PDE4D: variants seen among roughly 807,000 people sequenced by gnomAD.
PDE4D encodes the protein phosphodiesterase 4D.
In PDE4D, 24 loss-of-function variants were observed where a neutral mutation model predicts 87.4. The observed-to-expected ratio is 0.27, with a 90% CI of 0.20 to 0.39. The LOEUF (loss-of-function observed/expected upper bound fraction) is 0.39, where lower values mean the gene tolerates loss of function less well. Ranked by LOEUF, PDE4D falls within the 10% of genes least tolerant of loss-of-function variation. The pLI is 1.00. For synonymous variants in PDE4D, 384 were observed against 383.2 expected, an observed-to-expected ratio of 1.00 and a Z score of -0.02; for missense variants, 714 against 1,041.0, an observed-to-expected ratio of 0.69 and a Z score of 4.32.
At chr5:59,769,133 TC>T (rs1002522902) in intron 1 of PDE4D, among the ~76,000 whole-genome samples, 6 of 152,060 alleles carry the variant, frequency 3.9e-5, no homozygotes, top group African/African-American at 1.4e-4. Context: ...GAGAAATACT[TC>T]CCTGCTTACT....
At chr5:59,220,071 T>A (rs1186429246) in intron 1 of PDE4D, among the ~76,000 whole-genome samples, 2 of 152,116 alleles carry the variant, frequency 1.3e-5, no homozygotes, top group African/African-American at 2.4e-5. Flanking sequence ...TATGGAAAGC[T>A]GGGCCAAGGA....
At chr5:60,195,045 C>T (rs892582968) in intron 1 of PDE4D, among the ~76,000 whole-genome samples, 1 of 151,666 alleles carries the variant, frequency 6.6e-6, no homozygotes, top group African/African-American at 2.4e-5. Flanking sequence ...TTTCTCACCT[C>T]CCTGTCCTCT....
At chr5:59,847,010 T>C (rs1459711106) in intron 1 of PDE4D, among the ~76,000 whole-genome samples, 1 of 152,024 alleles carries the variant, frequency 6.6e-6, no homozygotes, top group Non-Finnish European at 1.5e-5. Context: ...CCATAAAATT[T>C]GAGAAATGGC....
intron 5 of PDE4D, among the ~76,000 whole-genome samples, chr5:59,054,019 ATAAAT>A (rs1580543658): frequency 6.6e-6 from 1 of 152,176 alleles, no homozygotes; most frequent in East Asian, 1.9e-4. Context: ...TATTCAATGA[ATAAAT>A]TATTCAATGA....
intron 2 of PDE4D, among the ~76,000 whole-genome samples, chr5:60,010,729 T>C (rs1025179770): frequency 1.3e-5 from 2 of 152,178 alleles, no homozygotes; most frequent in African/African-American, 4.8e-5. Context: ...CAACATAGGA[T>C]AGCTATCTAA....
chr5:59,229,054 C>T lies in PDE4D; in HGVS notation c.456-13086G>A, dbSNP rs192086095. Reference sequence around the variant, plus strand: ...TTCCTTACTCTTAATTTTTCTCCATCGCATTTAACAGCTTCTGATGAACTT... The same window carrying T: ...TTCCTTACTCTTAATTTTTCTCCATTGCATTTAACAGCTTCTGATGAACTT... On this transcript the variant is annotated intron_variant, in intron 1 of 14. Transcript: ENST00000340635. 3.5e-3 allele frequency among the ~76,000 whole-genome samples: 524 copies of T among 151,830 alleles called. 5 individuals carry two copies. Among genetic ancestry groups the T allele is most frequent in the Non-Finnish European group, 3.2e-3 (218 of 67,962 alleles).
intron 1 of PDE4D, among the ~76,000 whole-genome samples, chr5:59,846,998 C>T (rs777007608): frequency 6.6e-6 from 1 of 151,942 alleles, no homozygotes; most frequent in African/African-American, 2.4e-5. Flanking sequence ...CAGGATAATT[C>T]TCCATAAAAT....
intron 1 of PDE4D, among the ~76,000 whole-genome samples, chr5:59,466,208 C>T (rs746179535): frequency 3.2e-4 from 48 of 152,092 alleles, no homozygotes; most frequent in Admixed American, 6.6e-5. Flanking sequence ...TTTAAATTAG[C>T]GTGTGTACAA....
intron 1 of PDE4D, among the ~76,000 whole-genome samples, chr5:59,327,010 T>C (rs1208377693): frequency 3.3e-5 from 5 of 152,062 alleles, no homozygotes; most frequent in Non-Finnish European, 5.9e-5. Context: ...ATTTTACACC[T>C]AACCATCTTC....
In PDE4D at chr5:59,761,304, T is replaced by C. The variant is rs1561612485; in HGVS notation, c.455+131864A>G. On this transcript the variant is annotated intron_variant, in intron 1 of 14. Coordinates refer to ENST00000340635, the MANE Select transcript of PDE4D (RefSeq NM_001104631.2). ...TGAGTCAATGTGAAGGCCTGGGACATTTCCACACACTACTATAGACTTTAT... is the reference window on the plus strand; with the variant it reads ...TGAGTCAATGTGAAGGCCTGGGACACTTCCACACACTACTATAGACTTTAT... Among the ~76,000 whole-genome samples, 4 of 152,278 alleles carry C rather than the reference T, an allele frequency of 2.6e-5. No homozygotes were observed. The East Asian group carries it at 5.8e-4, about 22-fold the overall frequency.
chr5:59,597,292 T>C (rs1355895737), intron 1 of PDE4D, among the ~76,000 whole-genome samples: 1 of 152,182 alleles, frequency 6.6e-6, no homozygotes, highest in African/African-American at 2.4e-5. Flanking sequence ...GAACTTGACA[T>C]TGAATTAATG....
intron 2 of PDE4D, among the ~76,000 whole-genome samples, chr5:60,181,073 T>C (rs545640358): frequency 1.7e-4 from 26 of 152,080 alleles, no homozygotes; most frequent in Non-Finnish European, 2.8e-4. Flanking sequence ...GAAAAATGAA[T>C]GCAGATAGCT....
intron 1 of PDE4D, among the ~76,000 whole-genome samples, chr5:60,417,542 T>A (rs1203326066): frequency 6.6e-6 from 1 of 152,150 alleles, no homozygotes; most frequent in East Asian, 1.9e-4. Flanking sequence ...AGCCATTCAG[T>A]TACAGTGTTT....
At chr5:60,441,607 A>G (rs1745218792) in intron 1 of PDE4D, among the ~76,000 whole-genome samples, 1 of 152,220 alleles carries the variant, frequency 6.6e-6, no homozygotes, top group Admixed American at 6.5e-5. Flanking sequence ...TAAACTAAAG[A>G]GCTTCTGCAC....
At chr5:60,209,537 G>A (rs553223763) in intron 1 of PDE4D, among the ~76,000 whole-genome samples, 1 of 152,256 alleles carries the variant, frequency 6.6e-6, no homozygotes, top group South Asian at 2.1e-4. Flanking sequence ...TAATGATAAT[G>A]TCACAGGATG....
chr5:59,535,854 A>G (rs1185002247), intron 1 of PDE4D, among the ~76,000 whole-genome samples: 1 of 152,226 alleles, frequency 6.6e-6, no homozygotes, highest in African/African-American at 2.4e-5. Flanking sequence ...AAGTTTATAA[A>G]TGGCAGGTCC....
chr5:59,394,005 G>T (rs1788777537), intron 1 of PDE4D, among the ~76,000 whole-genome samples: 1 of 152,186 alleles, frequency 6.6e-6, no homozygotes. Context: ...GTACTGTGGG[G>T]CCTAATGTTT....
chr5:59,454,107 C>T (rs1799551928), intron 1 of PDE4D, among the ~76,000 whole-genome samples: 1 of 152,192 alleles, frequency 6.6e-6, no homozygotes, highest in South Asian at 2.1e-4. Context: ...CATCTGTTGA[C>T]AGCATGATTT....
intron 2 of PDE4D, among the ~76,000 whole-genome samples, chr5:60,118,033 G>T (rs893671462): frequency 6.6e-6 from 1 of 151,986 alleles, no homozygotes; most frequent in Non-Finnish European, 1.5e-5. Flanking sequence ...ATATCTTGTG[G>T]CAATTTAACC....
Sources: allele counts gnomAD v4.1 joint callset (sites outside exome capture counted in the v4.1 genomes callset), GRCh38; gene constraint gnomAD v4.1.1; transcripts MANE v1.5; gene names NCBI Gene and HGNC (gene_info 2026-07-23, HGNC 2026-07-21).